Variants in PLOD1 observed in about 807,000 individuals in gnomAD.
PLOD1 encodes the protein procollagen-lysine,2-oxoglutarate 5-dioxygenase 1.
Under a neutral mutation model 94.7 loss-of-function variants are expected in PLOD1, and 70 were observed. The observed-to-expected ratio is 0.74, with a 90% confidence interval of 0.61 to 0.90. The LOEUF (loss-of-function observed/expected upper bound fraction) is 0.90. Ranked by LOEUF, PLOD1 falls within the 40% of genes least tolerant of loss-of-function variation. The pLI, the probability that PLOD1 is intolerant of heterozygous loss-of-function variation, is 0.00. For missense variants in PLOD1, 905 were observed against 972.7 expected, an observed-to-expected ratio of 0.93 and a Z score of 0.93; for synonymous variants, 417 against 400.2, an observed-to-expected ratio of 1.04 and a Z score of -0.50.
At chr1:11,945,921 C>T (rs1195632651) in intron 1 of PLOD1, among the ~76,000 whole-genome samples, 1 of 152,034 alleles carries the variant, frequency 6.6e-6, no homozygotes, top group Non-Finnish European at 1.5e-5. Context: ...GTTGGCCAGG[C>T]TGTTCTCGAA....
chr1:11,939,855 G>C (rs533950360), intron 1 of PLOD1, among the ~76,000 whole-genome samples: 1 of 152,250 alleles, frequency 6.6e-6, no homozygotes, highest in East Asian at 1.9e-4. Flanking sequence ...TGATCCACCC[G>C]CCTTGGCCTC....
chr1:11,966,293 C>G lies in PLOD1; in HGVS notation c.1627C>G (p.Leu543Val). The change falls in exon 15 of 19, where the codon CTG becomes GTG. Residue 543 changes from leucine (L) to valine (V), a missense_variant. Transcript: ENST00000196061. ...CATCCACCAGAACTACACCAAAGCC[C>G]TGGCAGGGAAGCTGGTGGAGACGGT... ...KYIHQNYTKA[L>V]AGKLVETPCP... The G allele has an allele frequency of 6.2e-7, 1 of 1,608,098 alleles. No homozygotes were observed. The highest frequency in any genetic ancestry group is 2.2e-5 in the East Asian group (1 of 44,618).
chr1:11,972,786 C>T lies in PLOD1; in HGVS notation c.1903-86C>T, dbSNP rs986091009. ...TAAGCTGACCTGCAGCAGGCCAGAC[C>T]AGGCCCCATGTGTGCACCCTCCTCT... On this transcript the variant is annotated intron_variant, in intron 17 of 18. Transcript: ENST00000196061. The surrounding 1 kb of genome is among the most constrained non-coding windows in gnomAD (Gnocchi z 4.6). 5.3e-6 allele frequency: 8 copies of T among 1,505,532 alleles called. No homozygotes were observed. Among genetic ancestry groups the T allele is most frequent in the South Asian group, 2.3e-5 (2 of 88,372 alleles). The allele number at this position is 1,505,532 out of a possible 1,614,324, so 93.3% of individuals were successfully genotyped here. A position where few individuals can be genotyped will look rare whatever the true frequency, so the allele number is the denominator to read the frequency against.
intron 1 of PLOD1, among the ~76,000 whole-genome samples, chr1:11,943,413 G>T (rs1369007857): frequency 6.6e-6 from 1 of 151,174 alleles, no homozygotes; most frequent in Non-Finnish European, 1.5e-5. Context: ...TCTCTTGCCT[G>T]AGCCTCACGA....
chr1:11,948,311 G>C (rs1338900870), intron 2 of PLOD1, among the ~76,000 whole-genome samples: 1 of 152,192 alleles, frequency 6.6e-6, no homozygotes, highest in Non-Finnish European at 1.5e-5. Flanking sequence ...ATGTTAGTGT[G>C]CAGGAGCCTC....
At chr1:11,951,166 C>T (rs990151881) in intron 4 of PLOD1, among the ~76,000 whole-genome samples, 1 of 152,344 alleles carries the variant, frequency 6.6e-6, no homozygotes, top group South Asian at 2.1e-4. Context: ...ACCATTCTCA[C>T]TGGGCTCCTG....
At chr1:11,954,178 T>TCTCGG in intron 5 of PLOD1, 2 of 130,512 alleles carry the variant, frequency 1.5e-5, no homozygotes, top group Non-Finnish European at 3.4e-5. Context: ...TGTAGAATAT[T>TCTCGG]TGGAGTAGCG....
intron 16 of PLOD1, among the ~76,000 whole-genome samples, chr1:11,967,614 TAAAAAG>T (rs1241578424): frequency 1.0e-4 from 12 of 117,830 alleles, no homozygotes; most frequent in East Asian, 2.8e-4. Flanking sequence ...TATATATATA[TAAAAAG>T]AAATATATAT....
rs1447813959 is a variant in PLOD1 at position 11,958,677 on chromosome 1, A to G, written c.975+30A>G. ...GTAACAGGCGCTCTGTGGGGTCGTC[A>G]TGTGGCTTAGATCCAGGGCCCAGCT... On this transcript the variant is annotated intron_variant, in intron 9 of 18. Coordinates refer to ENST00000196061, the MANE Select transcript of PLOD1 (RefSeq NM_000302.4). This position sits in a 1 kb window ranked among gnomAD's most constrained non-coding sequence, Gnocchi z 4.3. The G allele has an allele frequency of 6.2e-7, 1 of 1,613,644 alleles. No homozygotes were observed. Among genetic ancestry groups the G allele is most frequent in the South Asian group, 1.1e-5 (1 of 91,056 alleles).
rs140050768 is a variant in PLOD1 at position 11,945,770 on chromosome 1, G to A, written c.77-2206G>A. On this transcript the variant is annotated intron_variant, in intron 1 of 18. Coordinates refer to ENST00000196061, the MANE Select transcript of PLOD1 (RefSeq NM_000302.4). The stretch of plus-strand genomic sequence containing the variant: ...GTCACCCAGGCTGGAGTGCAGTGGT[G>A]CGATCTTGGCTCACTGCAACCTCTA... 7.2e-3 allele frequency among the ~76,000 whole-genome samples: 1,102 copies of A among 152,164 alleles called. 15 individuals carry two copies. The highest frequency in any genetic ancestry group is 0.024 in the African/African-American group (1,002 of 41,522).
chr1:11,962,263 A>AC (rs1645783001), intron 10 of PLOD1, among the ~76,000 whole-genome samples: 1 of 103,126 alleles, frequency 9.7e-6, no homozygotes, highest in African/African-American at 3.7e-5. Flanking sequence ...TCTTCTTTTG[A>AC]TTTTTGTTTT....
In PLOD1 at chr1:11,963,661, G is replaced by T; in HGVS notation, c.1202+25G>T. 1 of 1,491,690 alleles carries T rather than the reference G, an allele frequency of 6.7e-7. No individual in the cohort carries two copies. Among genetic ancestry groups the T allele is most frequent in the Non-Finnish European group, 9.2e-7 (1 of 1,086,044 alleles). The allele number at this position is 1,491,690 out of a possible 1,614,324, so 92.4% of individuals were successfully genotyped here. On this transcript the variant is annotated intron_variant, in intron 11 of 18. Transcript: ENST00000196061. This position sits in a 1 kb window ranked among gnomAD's most constrained non-coding sequence, Gnocchi z 4.3. ...AGTGAGGCTGCTCCGTCTGCACCCA[G>T]CACTGCTCAGGACTGGCCTGGTCCT...
chr1:11,939,549 A>G lies in PLOD1; in HGVS notation c.76+4694A>G, dbSNP rs550438255. Among the ~76,000 whole-genome samples the G allele has an allele frequency of 1.4e-3, 216 of 152,232 alleles. 2 individuals are homozygous for G. The highest frequency in any genetic ancestry group is 2.3e-3 in the Non-Finnish European group (158 of 68,010). On this transcript the variant is annotated intron_variant, in intron 1 of 18. Transcript: ENST00000196061. ...GGGTGCCCAGAGGTCCCATTCTTCCAGGAGCTCATCACATACGCACACCCC... is the reference window on the plus strand; with the variant it reads ...GGGTGCCCAGAGGTCCCATTCTTCCGGGAGCTCATCACATACGCACACCCC...
Position 11,954,895 on chromosome 1 carries a change from T to C in PLOD1, c.643+2T>C, listed in dbSNP as rs1353525974. On this transcript the variant is annotated splice_donor_variant, in intron 6 of 18. Coordinates refer to ENST00000196061, the MANE Select transcript of PLOD1 (RefSeq NM_000302.4). LOFTEE classifies it high-confidence loss of function. ...TCCAGAACCTGGATGGAGCCTTGGG[T>C]GAGCAGCCCCCACGGGGAGGGGTGG... 1 of 1,611,120 alleles carries C rather than the reference T, an allele frequency of 6.2e-7. No homozygotes were observed. Among genetic ancestry groups the C allele is most frequent in the Non-Finnish European group, 8.5e-7 (1 of 1,177,362 alleles).
rs192592403 is a variant in PLOD1, at chr1:11,952,587, G to A, written c.467-36G>A. The stretch of plus-strand genomic sequence containing the variant: ...CCCTGACTTAGAGGCTGGAAGCTAA[G>A]GGTCCGTCTTGGTGTCCCCACCCAC... On this transcript the variant is annotated intron_variant, in intron 4 of 18. Transcript: ENST00000196061. 5.9e-3 allele frequency: 8,720 copies of A among 1,479,424 alleles called. 27 individuals are homozygous for A. The highest frequency in any genetic ancestry group is 6.8e-3 in the Non-Finnish European group (7,143 of 1,057,342). The allele number at this position is 1,479,424 out of a possible 1,614,324, so 91.6% of individuals were successfully genotyped here.
chr1:11,947,247 A>AC (rs2100741164), intron 1 of PLOD1, among the ~76,000 whole-genome samples: 1 of 150,090 alleles, frequency 6.7e-6, no homozygotes, highest in African/African-American at 2.5e-5. Context: ...AAAAAAAAAA[A>AC]AACAAAAACA....
intron 6 of PLOD1, among the ~76,000 whole-genome samples, chr1:11,956,365 T>C (rs72641008): frequency 0.069 from 10,543 of 152,076 alleles, 433 homozygotes; most frequent in East Asian, 0.15. Flanking sequence ...CACTGGGCAA[T>C]AGAATGAGAC....
rs1479502578 is a variant in PLOD1, at chr1:11,966,265, G to T, written c.1599G>T (p.Lys533Asn). Reference sequence around the variant, plus strand: ...ACTTCCCACAGGACTGGAAGGAGAAGTACATCCACCAGAACTACACCAAAG... The same window carrying T: ...ACTTCCCACAGGACTGGAAGGAGAATTACATCCACCAGAACTACACCAAAG... ...VFSNPEDWKEKYIHQNYTKAL... is the reference protein window; with the variant it reads ...VFSNPEDWKENYIHQNYTKAL... Residue 533 changes from lysine to asparagine, a missense_variant, in exon 15 of 19, where the codon AAG becomes AAT. Coordinates refer to ENST00000196061, the MANE Select transcript of PLOD1 (RefSeq NM_000302.4). 6.2e-7 allele frequency: 1 copy of T among 1,606,940 alleles called. No individual in the cohort carries two copies. Among genetic ancestry groups the T allele is most frequent in the Admixed American group, 1.7e-5 (1 of 59,368 alleles).
At position 11,963,182 on chromosome 1, in the gene PLOD1, A is replaced by C. The variant is rs1437527125; in HGVS notation, c.1098-350A>C. Among the ~76,000 whole-genome samples the C allele has an allele frequency of 6.6e-6, 1 of 152,232 alleles. No homozygotes were observed. Among genetic ancestry groups the C allele is most frequent in the Non-Finnish European group, 1.5e-5 (1 of 68,042 alleles). On this transcript the variant is annotated intron_variant, in intron 10 of 18. Transcript: ENST00000196061. The surrounding 1 kb of genome is among the most constrained non-coding windows in gnomAD (Gnocchi z 4.3). ...GTCCTGTACCAGATAAACAAAAGTA[A>C]CACAGATTTTTAAGGCTTTTGGTAC...
Sources: gnomAD v4.1 joint callset for allele counts (sites outside exome capture counted in the v4.1 genomes callset) on GRCh38, gnomAD v4.1.1 for gene constraint, Gnocchi (gnomAD v3.1) non-coding constraint, MANE v1.5 for transcripts, NCBI Gene and HGNC (gene_info 2026-07-23, HGNC 2026-07-21) for gene names.